KCNS3: variants seen among roughly 807,000 people sequenced by gnomAD.
The protein encoded by KCNS3 is delayed-rectifier potassium channel regulatory subunit KCNS3.
A neutral mutation model predicts 31.0 loss-of-function variants in KCNS3; 13 were observed. The ratio of observed to expected loss-of-function variants is 0.42; its 90% confidence interval spans 0.27 to 0.67. The LOEUF (loss-of-function observed/expected upper bound fraction) is 0.67. Among genes scored for constraint, KCNS3 ranks in the 30% least tolerant of loss-of-function variants. The pLI, the probability that KCNS3 is intolerant of heterozygous loss-of-function variation, is 0.25. For missense variants in KCNS3, 545 were observed against 622.4 expected (o/e 0.88, Z 1.32); for synonymous variants, 238 against 241.5 (o/e 0.99, Z 0.13).
chr2:17,901,257 C>CA (rs1662167362), intron 1 of KCNS3, among the ~76,000 whole-genome samples: 1 of 151,890 alleles, frequency 6.6e-6, no homozygotes, highest in Non-Finnish European at 1.5e-5. Flanking sequence ...GCATGGGGGA[C>CA]AGTTAGGTGT....
At chr2:17,918,342 AT>A (rs1290746422) in intron 2 of KCNS3, among the ~76,000 whole-genome samples, 3 of 152,220 alleles carry the variant, frequency 2.0e-5, no homozygotes, top group Admixed American at 2.0e-4. Context: ...TGTTGGATCA[AT>A]TCTAACTAAA....
chr2:17,927,421 ACT>A lies in KCNS3; in HGVS notation c.-59-3524_-59-3523del, dbSNP rs566535226. On this transcript the variant is annotated intron_variant, in intron 2 of 2. Coordinates refer to ENST00000304101, the MANE Select transcript of KCNS3 (RefSeq NM_002252.5). ...TGGGGTATCTTTATAGCAGTACCCC[ACT>A]CTCTGTGGTGCCAATTTATAGTATT... is the stretch of plus-strand genomic sequence containing the variant. Among the ~76,000 whole-genome samples the A allele has an allele frequency of 2.0e-5, 3 of 148,032 alleles. No homozygotes were observed. The South Asian group carries it at 6.8e-4, about 34-fold the overall frequency.
intron 1 of KCNS3, among the ~76,000 whole-genome samples, chr2:17,889,937 C>T (rs577435979): frequency 3.9e-5 from 6 of 152,264 alleles, no homozygotes; most frequent in African/African-American, 1.2e-4. Context: ...ATCCTTGCTT[C>T]ATAGAATGAA....
rs907524926 is a variant in KCNS3, at chr2:17,885,087, G to A, written c.-252+6281G>A. 1.5e-4 allele frequency among the ~76,000 whole-genome samples: 23 copies of A among 152,258 alleles called. No homozygotes were observed. The South Asian group carries it at 4.8e-3, about 32-fold the overall frequency. ...AGCAGAACTATGAATGGGGATGTAG[G>A]AACATTTGTGGTAGGATTCTAAGCA... On this transcript the variant is annotated intron_variant, in intron 1 of 2. Transcript: ENST00000304101.
At chr2:17,905,944 A>C (rs917890541) in intron 1 of KCNS3, among the ~76,000 whole-genome samples, 2 of 152,206 alleles carry the variant, frequency 1.3e-5, no homozygotes, top group Non-Finnish European at 2.9e-5. Context: ...TGTCTCTGCC[A>C]GGCTTTGGTA....
intron 1 of KCNS3, among the ~76,000 whole-genome samples, chr2:17,881,030 A>G (rs959449878): frequency 2.6e-5 from 4 of 152,188 alleles, no homozygotes; most frequent in Non-Finnish European, 5.9e-5. Flanking sequence ...TGCATACTAT[A>G]TATCAGATAC....
intron 1 of KCNS3, among the ~76,000 whole-genome samples, chr2:17,906,384 T>A (rs1042371302): frequency 6.6e-6 from 1 of 152,132 alleles, no homozygotes. Context: ...GCGGTCTATC[T>A]ATTTTGTTGA....
At chr2:17,894,299 A>G (rs760587169) in intron 1 of KCNS3, among the ~76,000 whole-genome samples, 10 of 152,020 alleles carry the variant, frequency 6.6e-5, no homozygotes, top group South Asian at 4.2e-4. Flanking sequence ...AAGGGAGGAG[A>G]TGAGTTTTCT....
rs1385606859 is a variant in KCNS3, at chr2:17,878,722, G to A, written c.-336G>A. 3 of 151,066 alleles carry A rather than the reference G, an allele frequency of 2.0e-5. No homozygotes were observed. Among genetic ancestry groups the A allele is most frequent in the Admixed American group, 1.3e-4 (2 of 15,178 alleles). The allele number at this position is 151,066 out of a possible 1,614,324, so 9.4% of individuals were successfully genotyped here. A position where few individuals can be genotyped will look rare whatever the true frequency, so the allele number is the denominator to read the frequency against. On this transcript the variant is annotated 5_prime_UTR_variant, in exon 1 of 3. Coordinates refer to ENST00000304101, the MANE Select transcript of KCNS3 (RefSeq NM_002252.5). ...CTCGCCGCCGCGGCGGCAGGCGCGG[G>A]GCCGCGCCGCGAGGCCTGATCCCTG...
At position 17,932,337 on chromosome 2, in the gene KCNS3, A is replaced by C. The variant is rs754586395; in HGVS notation, c.1329A>C (p.Ile443=). Residue 443 remains isoleucine (I), a synonymous_variant, in exon 3 of 3, where the codon ATA becomes ATC. Coordinates refer to ENST00000304101, the MANE Select transcript of KCNS3 (RefSeq NM_002252.5). ...HELPYFNIRD[I]YAQRMHTFIT... is the part of the protein sequence containing the mutation. ...TACCTTACTTTAACATTAGGGATAT[A>C]TATGCACAGCGGATGCACACCTTCA... 1 of 1,614,088 alleles carries C rather than the reference A, an allele frequency of 6.2e-7. No homozygotes were observed. Among genetic ancestry groups the C allele is most frequent in the Admixed American group, 1.7e-5 (1 of 60,026 alleles).
At position 17,891,356 on chromosome 2, in the gene KCNS3, T is replaced by C. The variant is rs548171368; in HGVS notation, c.-252+12550T>C. Among the ~76,000 whole-genome samples, 91 of 152,312 alleles carry C rather than the reference T, an allele frequency of 6.0e-4. 3 individuals carry two copies. In the Middle Eastern group the frequency reaches 0.034, roughly 57 times the overall value. ...AGATAGTTGGTGAATTCTTATTCAG[T>C]TTGCAGTTCTGTATCTTTTAAGTGG... On this transcript the variant is annotated intron_variant, in intron 1 of 2. Transcript: ENST00000304101.
rs888223997 is a variant in KCNS3, at chr2:17,931,869, G to A, written c.861G>A (p.Lys287=). ...EESEDIENMG[K]VVQILRLMRI... ...GTGAGGATATTGAGAACATGGGCAA[G>A]GTGGTCCAGATCCTACGGCTTATGA... Residue 287 remains lysine (K), a synonymous_variant, in exon 3 of 3, where the codon AAG becomes AAA. Coordinates refer to ENST00000304101, the MANE Select transcript of KCNS3 (RefSeq NM_002252.5). The surrounding 1 kb of genome is among the most constrained non-coding windows in gnomAD (Gnocchi z 5.4). The A allele has an allele frequency of 6.2e-7, 1 of 1,614,194 alleles. No homozygotes were observed.
At chr2:17,925,601 A>G (rs1348469041) in intron 2 of KCNS3, among the ~76,000 whole-genome samples, 1 of 152,220 alleles carries the variant, frequency 6.6e-6, no homozygotes, top group African/African-American at 2.4e-5. Context: ...GTGGCAGGCA[A>G]GAGAGAGTGG....
intron 1 of KCNS3, among the ~76,000 whole-genome samples, chr2:17,882,466 A>G (rs562551662): frequency 2.0e-5 from 3 of 152,332 alleles, no homozygotes; most frequent in African/African-American, 7.2e-5. Context: ...TAAGTCCAGC[A>G]TCTTTCTGCC....
chr2:17,888,610 A>C (rs1661747925), intron 1 of KCNS3, among the ~76,000 whole-genome samples: 1 of 117,970 alleles, frequency 8.5e-6, no homozygotes, highest in African/African-American at 3.3e-5. Context: ...CCTAGAACTT[A>C]AAGTATAATA....
chr2:17,924,259 A>C (rs1332098857), intron 2 of KCNS3, among the ~76,000 whole-genome samples: 1 of 151,902 alleles, frequency 6.6e-6, no homozygotes, highest in Non-Finnish European at 1.5e-5. Flanking sequence ...TTGTATATCT[A>C]TTCCATAGGA....
intron 1 of KCNS3, among the ~76,000 whole-genome samples, chr2:17,910,053 A>G (rs973958851): frequency 7.9e-5 from 12 of 152,246 alleles, no homozygotes; most frequent in African/African-American, 2.9e-4. Context: ...TTTTCAGAAT[A>G]GCGTGTTTAA....
intron 2 of KCNS3, among the ~76,000 whole-genome samples, chr2:17,925,421 AT>A (rs1258227980): frequency 6.6e-6 from 1 of 152,172 alleles, no homozygotes; most frequent in African/African-American, 2.4e-5. Context: ...ATTCCTATTG[AT>A]TCTAAGTCTT....
At position 17,931,650 on chromosome 2, in the gene KCNS3, T is replaced by C; in HGVS notation, c.642T>C (p.Asp214=). The stretch of plus-strand genomic sequence containing the variant: ...GCATGTCGGAGTTCCAGAATGAGGA[T>C]GGAGAAGTGGATGATCCGGTGCTGG... ...VHSMSEFQNE[D]GEVDDPVLEG... The change falls in exon 3 of 3, where the codon GAT becomes GAC. Residue 214 remains aspartate, a synonymous_variant. Coordinates refer to ENST00000304101, the MANE Select transcript of KCNS3 (RefSeq NM_002252.5). The surrounding 1 kb of genome is among the most constrained non-coding windows in gnomAD (Gnocchi z 5.4). 6.2e-7 allele frequency: 1 copy of C among 1,614,076 alleles called. No homozygotes were observed. Among genetic ancestry groups the C allele is most frequent in the Non-Finnish European group, 8.5e-7 (1 of 1,180,014 alleles).
Sources: gnomAD v4.1 joint callset for allele counts (sites outside exome capture counted in the v4.1 genomes callset) on GRCh38, gnomAD v4.1.1 for gene constraint, Gnocchi (gnomAD v3.1) non-coding constraint, MANE v1.5 for transcripts, NCBI Gene and HGNC (gene_info 2026-07-23, HGNC 2026-07-21) for gene names.